RASA3: variants seen among roughly 807,000 people sequenced by gnomAD.
RASA3 encodes ras GTPase-activating protein 3.
In RASA3, 73 loss-of-function variants were observed where a neutral mutation model predicts 110.0. The ratio of observed to expected loss-of-function variants is 0.66; its 90% confidence interval spans 0.55 to 0.81. The LOEUF (loss-of-function observed/expected upper bound fraction) is 0.81, where lower values mean the gene tolerates loss of function less well. Ranked by LOEUF, RASA3 falls within the 30% of genes least tolerant of loss-of-function variation. The pLI, the probability that RASA3 is intolerant of heterozygous loss-of-function variation, is 0.00. For missense variants in RASA3, 976 were observed against 1,113.2 expected (o/e 0.88, Z 1.75); for synonymous variants, 500 against 451.4 (o/e 1.11, Z -1.37).
rs371407880 is a variant in RASA3, at chr13:114,065,385, G to A, written c.173+8335C>T. 2.9e-4 allele frequency among the ~76,000 whole-genome samples: 44 copies of A among 152,298 alleles called. 2 individuals are homozygous for A. The East Asian group carries it at 7.0e-3, about 24-fold the overall frequency. The stretch of plus-strand genomic sequence containing the variant: ...GAGCTGCCAGGGCTGCCCCAGCCTC[G>A]GGGTAGAGGGTAAAGGCTGCGTGAA... On this transcript the variant is annotated intron_variant, in intron 2 of 23. Transcript: ENST00000334062. The surrounding 1 kb of genome is among the most constrained non-coding windows in gnomAD (Gnocchi z 4.1).
chr13:114,027,519 C>G (rs1199358171), intron 6 of RASA3, 58 bp from the exon 7 acceptor site: 12 of 1,371,468 alleles, frequency 8.7e-6, no homozygotes, highest in African/African-American at 1.4e-5. Context: ...CCAAGTCTCT[C>G]AGTGGTAAAA....
intron 1 of RASA3, among the ~76,000 whole-genome samples, chr13:114,093,081 CCTAA>C (rs559435709): frequency 1.4e-4 from 22 of 152,320 alleles, no homozygotes; most frequent in East Asian, 1.3e-3. Flanking sequence ...TTGCCTATCT[CCTAA>C]CTAATTGTTG....
At chr13:114,036,486 C>A (rs1318347478) in intron 4 of RASA3, among the ~76,000 whole-genome samples, 1 of 152,184 alleles carries the variant, frequency 6.6e-6, no homozygotes, top group Non-Finnish European at 1.5e-5. Flanking sequence ...ACTGTGACAT[C>A]TTATGATGAA....
rs755717820 is a variant in RASA3 at position 113,981,718 on chromosome 13, G to A, written c.2386C>T (p.Gln796Ter). Residue 796 changes from glutamine to a stop codon, truncating the protein, a stop_gained, in exon 23 of 24, where the codon CAG (glutamine) becomes TAG (stop). Coordinates refer to ENST00000334062, the MANE Select transcript of RASA3 (RefSeq NM_007368.4). LOFTEE classifies it high-confidence loss of function. The stretch of plus-strand genomic sequence containing the variant: ...TTCTTGAACTTGTCCCTCTTATACT[G>A]GGCGTGCTCCTGCTCCAAAGCCCCA... ...GVGALEQEHA[Q>*]YKRDKFKKTK... The A allele has an allele frequency of 1.2e-6, 2 of 1,614,048 alleles. No homozygotes were observed. Among genetic ancestry groups the A allele is most frequent in the Admixed American group, 3.3e-5 (2 of 60,020 alleles).
intron 8 of RASA3, among the ~76,000 whole-genome samples, chr13:114,023,917 G>A (rs533083689): frequency 6.6e-6 from 1 of 152,302 alleles, no homozygotes; most frequent in African/African-American, 2.4e-5. Flanking sequence ...AGGGCCAGGC[G>A]TCGTGCTGAC....
chr13:114,002,438 T>C (rs903143641), intron 18 of RASA3, among the ~76,000 whole-genome samples: 12 of 152,036 alleles, frequency 7.9e-5, no homozygotes, highest in African/African-American at 2.2e-4. Context: ...CAGGAGGCTG[T>C]TGAGGACCAG....
chr13:114,088,000 G>A (rs1252472558), intron 1 of RASA3, among the ~76,000 whole-genome samples: 2 of 152,130 alleles, frequency 1.3e-5, no homozygotes, highest in African/African-American at 2.4e-5. Context: ...GCGTGGTGGC[G>A]CACGCCTGTA....
chr13:114,040,372 G>A (rs1166178160), intron 4 of RASA3, among the ~76,000 whole-genome samples: 7 of 38,882 alleles, frequency 1.8e-4, no homozygotes, highest in Non-Finnish European at 2.5e-4. Flanking sequence ...CGCTCACTCC[G>A]AGCACAAGCG....
intron 4 of RASA3, among the ~76,000 whole-genome samples, chr13:114,038,636 AG>A (rs1453012119): frequency 6.6e-6 from 1 of 152,226 alleles, no homozygotes; most frequent in Non-Finnish European, 1.5e-5. Flanking sequence ...GCGTGTGCAC[AG>A]CTCATGACCT....
chr13:114,012,286 T>G (rs899822032), intron 15 of RASA3, among the ~76,000 whole-genome samples: 29 of 151,606 alleles, frequency 1.9e-4, no homozygotes, highest in Non-Finnish European at 3.8e-4. Flanking sequence ...AACGAGGACG[T>G]TCCAGGACCC....
chr13:113,979,882 T>C (rs1327496550), intron 23 of RASA3, among the ~76,000 whole-genome samples: 1 of 150,610 alleles, frequency 6.6e-6, no homozygotes, highest in Non-Finnish European at 1.5e-5. Context: ...GCCATGTGTG[T>C]CCACTACCTC....
At position 114,031,984 on chromosome 13, in the gene RASA3, G is replaced by A. The variant is rs758915721; in HGVS notation, c.373-2097C>T. On this transcript the variant is annotated intron_variant, in intron 4 of 23. Coordinates refer to ENST00000334062, the MANE Select transcript of RASA3 (RefSeq NM_007368.4). The stretch of plus-strand genomic sequence containing the variant: ...CCACCTAAATGATTAAAAAACCTTC[G>A]AGTTCCTTCAAAAATATATCAGACA... 9.9e-5 allele frequency among the ~76,000 whole-genome samples: 15 copies of A among 152,140 alleles called. 1 individual carries two copies. The highest frequency in any genetic ancestry group is 9.8e-4 in the Admixed American group (15 of 15,282).
At chr13:114,121,968 A>C (rs2080384100) in intron 1 of RASA3, among the ~76,000 whole-genome samples, 1 of 152,222 alleles carries the variant, frequency 6.6e-6, no homozygotes, top group Admixed American at 6.5e-5. Flanking sequence ...TGAGGGGCAC[A>C]CAGGGCCCAG....
At chr13:114,038,637 G>A (rs1041359990) in intron 4 of RASA3, among the ~76,000 whole-genome samples, 37 of 152,218 alleles carry the variant, frequency 2.4e-4, no homozygotes, top group African/African-American at 8.9e-4. Context: ...CGTGTGCACA[G>A]CTCATGACCT....
At chr13:114,015,583 G>A (rs1439683361) in intron 13 of RASA3, among the ~76,000 whole-genome samples, 1 of 152,260 alleles carries the variant, frequency 6.6e-6, no homozygotes, top group Non-Finnish European at 1.5e-5. Flanking sequence ...TTTACTGAGT[G>A]GGGAATGGAC....
intron 3 of RASA3, among the ~76,000 whole-genome samples, chr13:114,047,611 C>T (rs1481673503): frequency 6.6e-6 from 1 of 152,256 alleles, no homozygotes; most frequent in African/African-American, 2.4e-5. Context: ...AGAATGTTTA[C>T]GGTGACTTTA....
At chr13:113,981,228 C>G (rs936687533) in intron 23 of RASA3, among the ~76,000 whole-genome samples, 1 of 152,208 alleles carries the variant, frequency 6.6e-6, no homozygotes, top group African/African-American at 2.4e-5. Flanking sequence ...GCTGAACGTA[C>G]TCAACCTCGC....
At chr13:114,005,668 A>AG (rs2053499050) in intron 18 of RASA3, among the ~76,000 whole-genome samples, 1 of 152,104 alleles carries the variant, frequency 6.6e-6, no homozygotes, top group Non-Finnish European at 1.5e-5. Context: ...GCAAGGGAGG[A>AG]GGCTGCCCCC....
At chr13:113,981,954 C>T in intron 22 of RASA3, 96 bp from the exon 23 acceptor site, 4 of 1,116,678 alleles carry the variant, frequency 3.6e-6, no homozygotes, top group Non-Finnish European at 5.1e-6. Context: ...CCACAGTACA[C>T]ATCCTTCCAA....
Sources: gnomAD v4.1 joint callset for allele counts (sites outside exome capture counted in the v4.1 genomes callset) on GRCh38, gnomAD v4.1.1 for gene constraint, Gnocchi (gnomAD v3.1) non-coding constraint, MANE v1.5 for transcripts, NCBI Gene and HGNC (gene_info 2026-07-23, HGNC 2026-07-21) for gene names.